The following DDAH1 variants were observed in gnomAD, a reference collection of about 807,000 sequenced individuals.
DDAH1 encodes the protein N(G),N(G)-dimethylarginine dimethylaminohydrolase 1.
In DDAH1, 19 loss-of-function variants were observed where a neutral mutation model predicts 28.8. The observed-to-expected ratio is 0.66, with a 90% CI of 0.46 to 0.97. The LOEUF is 0.97. Ranked by LOEUF, DDAH1 falls within the 50% of genes least tolerant of loss-of-function variation. The pLI, the probability that DDAH1 is intolerant of heterozygous loss-of-function variation, is 0.00. For synonymous variants in DDAH1, 153 were observed against 154.4 expected (o/e 0.99, Z 0.07); for missense variants, 326 against 375.9 (o/e 0.87, Z 1.10).
chr1:85,440,324 C>T (rs1294300349), intron 1 of DDAH1, among the ~76,000 whole-genome samples: 1 of 152,152 alleles, frequency 6.6e-6, no homozygotes, highest in East Asian at 1.9e-4. Context: ...GTCAGATCTT[C>T]AATCTTCTTT....
chr1:85,397,742 A>T (rs1215972768), intron 1 of DDAH1, among the ~76,000 whole-genome samples: 1 of 152,224 alleles, frequency 6.6e-6, no homozygotes, highest in Non-Finnish European at 1.5e-5. Context: ...AATTAATAGA[A>T]TGCCTCGCTT....
At chr1:85,346,303 A>C (rs1028184008) in intron 4 of DDAH1, among the ~76,000 whole-genome samples, 3 of 152,218 alleles carry the variant, frequency 2.0e-5, no homozygotes, top group Non-Finnish European at 4.4e-5. Flanking sequence ...GAAAGAACTG[A>C]GACATCAAGG....
At chr1:85,565,430 T>C (rs1314129920) in intron 1 of DDAH1, among the ~76,000 whole-genome samples, 1 of 152,170 alleles carries the variant, frequency 6.6e-6, no homozygotes, top group Non-Finnish European at 1.5e-5. Context: ...TTATTAGTAT[T>C]GCTCTCATGT....
chr1:85,544,093 T>C (rs970566848), intron 1 of DDAH1, among the ~76,000 whole-genome samples: 1 of 152,252 alleles, frequency 6.6e-6, no homozygotes, highest in African/African-American at 2.4e-5. Flanking sequence ...TGCACTGATG[T>C]ACATAGAAAA....
At chr1:85,492,701 A>T (rs1381018626) in intron 2 of DDAH1, among the ~76,000 whole-genome samples, 1 of 152,208 alleles carries the variant, frequency 6.6e-6, no homozygotes, top group Non-Finnish European at 1.5e-5. Flanking sequence ...TACACTGTCT[A>T]TGTAGCATTA....
At chr1:85,335,027 A>T (rs1455097883) in intron 4 of DDAH1, among the ~76,000 whole-genome samples, 1 of 152,158 alleles carries the variant, frequency 6.6e-6, no homozygotes, top group Non-Finnish European at 1.5e-5. Context: ...CCCTCCAAGA[A>T]ATGCTTGAGG....
intron 1 of DDAH1, among the ~76,000 whole-genome samples, chr1:85,381,440 GT>G (rs1287135803): frequency 6.6e-6 from 1 of 151,644 alleles, no homozygotes; most frequent in African/African-American, 2.4e-5. Flanking sequence ...TGGTGCACCT[GT>G]CACCGAGAAG....
intron 1 of DDAH1, among the ~76,000 whole-genome samples, chr1:85,453,655 G>T (rs1373880594): frequency 6.6e-6 from 1 of 152,186 alleles, no homozygotes; most frequent in Non-Finnish European, 1.5e-5. Context: ...TACTTTGTCA[G>T]AATGAACCCC....
chr1:85,416,535 T>C (rs1315697513), intron 1 of DDAH1, among the ~76,000 whole-genome samples: 1 of 152,214 alleles, frequency 6.6e-6, no homozygotes, highest in Non-Finnish European at 1.5e-5. Flanking sequence ...TGCAGGGAAA[T>C]GTTCATAAAG....
chr1:85,577,376 C>A (rs1156309565), intron 1 of DDAH1, among the ~76,000 whole-genome samples: 1 of 152,158 alleles, frequency 6.6e-6, no homozygotes, highest in Non-Finnish European at 1.5e-5. Flanking sequence ...GGGGGCGCCA[C>A]CTTAAAGCCG....
intron 1 of DDAH1, among the ~76,000 whole-genome samples, chr1:85,389,309 G>A (rs1366279170): frequency 4.6e-5 from 7 of 152,188 alleles, no homozygotes; most frequent in African/African-American, 1.4e-4. Flanking sequence ...AAAGCGTTGT[G>A]ATGAATAAAA....
At chr1:85,523,971 T>C (rs1199265511) in intron 1 of DDAH1, among the ~76,000 whole-genome samples, 1 of 151,890 alleles carries the variant, frequency 6.6e-6, no homozygotes, top group Non-Finnish European at 1.5e-5. Flanking sequence ...ACATTCATTA[T>C]CCTCACACTT....
At chr1:85,345,152 C>A (rs1424380419) in intron 4 of DDAH1, among the ~76,000 whole-genome samples, 1 of 152,138 alleles carries the variant, frequency 6.6e-6, no homozygotes, top group African/African-American at 2.4e-5. Flanking sequence ...TAGAGAGTAG[C>A]TTTGCCTCTT....
At chr1:85,445,719 G>T (rs1329689160) in intron 1 of DDAH1, among the ~76,000 whole-genome samples, 2 of 152,102 alleles carry the variant, frequency 1.3e-5, no homozygotes, top group Non-Finnish European at 2.9e-5. Flanking sequence ...CAATCATCCT[G>T]CCTCAGCCTC....
At chr1:85,544,972 G>A (rs1046806071) in intron 1 of DDAH1, among the ~76,000 whole-genome samples, 2 of 152,128 alleles carry the variant, frequency 1.3e-5, no homozygotes, top group African/African-American at 4.8e-5. Context: ...AACTCAACAT[G>A]TTTATTTAAA....
At chr1:85,368,731 G>A (rs558846065) in intron 1 of DDAH1, among the ~76,000 whole-genome samples, 1 of 152,164 alleles carries the variant, frequency 6.6e-6, no homozygotes, top group Admixed American at 6.5e-5. Context: ...AAAAACCAGG[G>A]AACTGACAAG....
chr1:85,444,791 T>C (rs754451526), intron 1 of DDAH1, among the ~76,000 whole-genome samples: 11 of 152,082 alleles, frequency 7.2e-5, no homozygotes, highest in Non-Finnish European at 1.6e-4. Context: ...GTAAGGACAA[T>C]ATGGAGCGCT....
intron 1 of DDAH1, among the ~76,000 whole-genome samples, chr1:85,418,654 A>G (rs1219440255): frequency 1.3e-5 from 2 of 152,218 alleles, no homozygotes; most frequent in African/African-American, 4.8e-5. Flanking sequence ...CTTTCTCTCT[A>G]GCAAGCTGGA....
At chr1:85,566,527 T>C (rs1570681006) in intron 1 of DDAH1, among the ~76,000 whole-genome samples, 1 of 147,848 alleles carries the variant, frequency 6.8e-6, no homozygotes, top group South Asian at 2.1e-4. Flanking sequence ...AAAAATAAAG[T>C]AGTAGAGAAT....
Sources: gnomAD v4.1 joint callset for allele counts (sites outside exome capture counted in the v4.1 genomes callset) on GRCh38, gnomAD v4.1.1 for gene constraint, MANE v1.5 for transcripts, NCBI Gene and HGNC (gene_info 2026-07-23, HGNC 2026-07-21) for gene names.